The following SHISA9 variants were observed in gnomAD, a reference collection of about 807,000 sequenced individuals.
SHISA9 encodes protein shisa-9.
Under a neutral mutation model 38.0 loss-of-function variants are expected in SHISA9, and 13 were observed. The observed-to-expected ratio is 0.34, with a 90% confidence interval of 0.22 to 0.54. The LOEUF is 0.54. Ranked by LOEUF, SHISA9 falls within the 20% of genes least tolerant of loss-of-function variation. The pLI is 0.91. For synonymous variants in SHISA9, 275 were observed against 242.0 expected, an observed-to-expected ratio of 1.14 and a Z score of -1.27; for missense variants, 538 against 575.8, an observed-to-expected ratio of 0.93 and a Z score of 0.67.
the SHISA9 span, among the ~76,000 whole-genome samples, chr16:13,411,050 T>C: frequency 6.6e-6 from 1 of 152,172 alleles, no homozygotes; most frequent in African/African-American, 2.4e-5. Flanking sequence ...TTCATACTAA[T>C]GGAATTGAAT....
intron 2 of SHISA9, among the ~76,000 whole-genome samples, chr16:12,945,037 G>A (rs1411239134): frequency 6.6e-6 from 1 of 152,138 alleles, no homozygotes; most frequent in East Asian, 1.9e-4. Context: ...AGGAAGCTGG[G>A]GGGCTTATCC....
chr16:13,090,351 T>C (rs1185057551), intron 2 of SHISA9, among the ~76,000 whole-genome samples: 1 of 152,222 alleles, frequency 6.6e-6, no homozygotes, highest in Non-Finnish European at 1.5e-5. Context: ...AGGTCCTGGA[T>C]ATCCTCGTTA....
At chr16:13,303,984 T>C in the SHISA9 span, among the ~76,000 whole-genome samples, 1 of 152,090 alleles carries the variant, frequency 6.6e-6, no homozygotes, top group African/African-American at 2.4e-5. Context: ...TAAAGGGTGA[T>C]ATTAATTGTT....
At position 13,238,888 on chromosome 16, in the gene SHISA9, G is replaced by A. The variant is rs1047658847; in HGVS notation, c.*3479G>A. On this transcript the variant is annotated 3_prime_UTR_variant, in exon 5 of 5. Transcript: ENST00000558583. ...TTAGGGTACATGTGCACAATGTGCA[G>A]GTTAGTTACATATGTATACACGTGT... 1 of 149,112 alleles carries A rather than the reference G, an allele frequency of 6.7e-6. No individual in the cohort carries two copies. The highest frequency in any genetic ancestry group is 1.5e-5 in the Non-Finnish European group (1 of 67,434). The allele number at this position is 149,112 out of a possible 1,614,324, so 9.2% of individuals were successfully genotyped here.
the SHISA9 span, among the ~76,000 whole-genome samples, chr16:13,491,256 C>CGAT: frequency 6.6e-6 from 1 of 151,980 alleles, no homozygotes; most frequent in African/African-American, 2.4e-5. Flanking sequence ...ATGACGATGA[C>CGAT]GATGATGATG....
At chr16:13,151,680 A>T (rs1318057690) in intron 2 of SHISA9, among the ~76,000 whole-genome samples, 1 of 152,202 alleles carries the variant, frequency 6.6e-6, no homozygotes, top group East Asian at 1.9e-4. Context: ...TACGTTTTAG[A>T]TTCTTATAAA....
At chr16:13,285,098 A>G in the SHISA9 span, among the ~76,000 whole-genome samples, 1 of 151,956 alleles carries the variant, frequency 6.6e-6, no homozygotes, top group Non-Finnish European at 1.5e-5. Flanking sequence ...CCATCTATTA[A>G]ATTTTAGCTT....
At chr16:13,285,500 C>T in the SHISA9 span, among the ~76,000 whole-genome samples, 5 of 120,762 alleles carry the variant, frequency 4.1e-5, no homozygotes, top group African/African-American at 1.4e-4. Context: ...TAAAAGGAGG[C>T]AGATGAGGCC....
chr16:13,004,425 C>G (rs929783124), intron 2 of SHISA9, among the ~76,000 whole-genome samples: 1 of 152,164 alleles, frequency 6.6e-6, no homozygotes, highest in South Asian at 2.1e-4. Flanking sequence ...TTCATGCTCT[C>G]TTTTTGAGCA....
At chr16:13,455,013 CTT>C in the SHISA9 span, among the ~76,000 whole-genome samples, 17 of 150,722 alleles carry the variant, frequency 1.1e-4, no homozygotes, top group South Asian at 8.4e-4. Context: ...CAGCTACCTT[CTT>C]TTTTTTTTAT....
At chr16:13,052,959 C>CTTTT (rs925020167) in intron 2 of SHISA9, among the ~76,000 whole-genome samples, 4,919 of 105,660 alleles carry the variant, frequency 0.047, 226 homozygotes, top group East Asian at 0.13. Flanking sequence ...TCCTTCCTTT[C>CTTTT]TTTTTTTTTT....
At chr16:13,390,235 G>A in the SHISA9 span, among the ~76,000 whole-genome samples, 2 of 151,774 alleles carry the variant, frequency 1.3e-5, no homozygotes, top group African/African-American at 2.4e-5. Flanking sequence ...TAAAACCAGT[G>A]AACCATGACA....
chr16:13,135,126 G>A (rs1401985900), intron 2 of SHISA9, among the ~76,000 whole-genome samples: 1 of 152,186 alleles, frequency 6.6e-6, no homozygotes, highest in African/African-American at 2.4e-5. Flanking sequence ...ATGGGAGCAA[G>A]AAGCAATTCT....
the SHISA9 span, among the ~76,000 whole-genome samples, chr16:13,421,506 C>T: frequency 6.6e-6 from 1 of 152,206 alleles, no homozygotes; most frequent in South Asian, 2.1e-4. Context: ...ATGGGGGAAA[C>T]CACCCCCATG....
intron 2 of SHISA9, among the ~76,000 whole-genome samples, chr16:13,058,974 A>T (rs1414800398): frequency 2.0e-5 from 3 of 151,994 alleles, no homozygotes; most frequent in Non-Finnish European, 4.4e-5. Context: ...TTCCATATGC[A>T]TTTTCTGTAT....
chr16:13,168,406 C>T (rs1596697358), intron 2 of SHISA9, among the ~76,000 whole-genome samples: 1 of 152,362 alleles, frequency 6.6e-6, no homozygotes, highest in African/African-American at 2.4e-5. Flanking sequence ...TGGCCTCCAA[C>T]ATTACCATAT....
chr16:13,537,211 T>G, the SHISA9 span, among the ~76,000 whole-genome samples: 1 of 152,152 alleles, frequency 6.6e-6, no homozygotes, highest in Non-Finnish European at 1.5e-5. Context: ...GCAAATCACT[T>G]GAGGTCAGGA....
intron 2 of SHISA9, among the ~76,000 whole-genome samples, chr16:13,014,691 A>T (rs778615580): frequency 1.3e-5 from 2 of 152,200 alleles, no homozygotes; most frequent in Non-Finnish European, 2.9e-5. Flanking sequence ...GCTGGGAGGA[A>T]TTCTGAGCCG....
At chr16:13,360,314 C>G in the SHISA9 span, among the ~76,000 whole-genome samples, 1 of 152,188 alleles carries the variant, frequency 6.6e-6, no homozygotes, top group South Asian at 2.1e-4. Flanking sequence ...CTCCACTTTC[C>G]TGTCTCAGGG....
Sources: allele counts gnomAD v4.1 joint callset (sites outside exome capture counted in the v4.1 genomes callset), GRCh38; gene constraint gnomAD v4.1.1; transcripts MANE v1.5; gene names NCBI Gene and HGNC (gene_info 2026-07-23, HGNC 2026-07-21).